Variants in CHIC2 observed in about 807,000 individuals in gnomAD.
CHIC2 encodes cysteine-rich hydrophobic domain-containing protein 2.
In CHIC2, 14 loss-of-function variants were observed where a neutral mutation model predicts 25.9. The observed-to-expected ratio is 0.54, with a 90% CI of 0.36 to 0.85. The LOEUF is 0.85. CHIC2 is among the 40% of genes least tolerant of loss of function. CHIC2 has a pLI of 0.01. For missense variants in CHIC2, 146 were observed against 202.0 expected, an observed-to-expected ratio of 0.72 and a Z score of 1.68; for synonymous variants, 70 against 72.0, an observed-to-expected ratio of 0.97 and a Z score of 0.14.
chr4:54,053,172 C>T (rs1311959980), intron 1 of CHIC2, among the ~76,000 whole-genome samples: 12 of 151,960 alleles, frequency 7.9e-5, no homozygotes, highest in Admixed American at 6.6e-4. Context: ...TTCAATATAC[C>T]ATGATATTAA....
the CHIC2 span, among the ~76,000 whole-genome samples, chr4:54,086,416 C>A: frequency 1.3e-5 from 2 of 152,106 alleles, no homozygotes; most frequent in Admixed American, 1.3e-4. Context: ...TTTAGGAGGT[C>A]CTGGATGTAA....
At chr4:54,070,611 C>T in the CHIC2 span, among the ~76,000 whole-genome samples, 2 of 151,918 alleles carry the variant, frequency 1.3e-5, no homozygotes, top group African/African-American at 4.8e-5. Context: ...TTAGTAGAGA[C>T]GGGGTTTCAC....
chr4:54,064,572 T>TGCCGCC lies in CHIC2; in HGVS notation c.-278_-273dup, dbSNP rs1431292719. On this transcript the variant is annotated 5_prime_UTR_variant, in exon 1 of 6. Coordinates refer to ENST00000263921, the MANE Select transcript of CHIC2 (RefSeq NM_012110.4). The surrounding 1 kb of genome is among the most constrained non-coding windows in gnomAD (Gnocchi z 4.2). The stretch of plus-strand genomic sequence containing the variant: ...ACACCTCCACAAGCACAGACGCCGC[T>TGCCGCC]GCCGCCGCCGCAGCAGCAGCAACTC... 2.4e-6 allele frequency: 3 copies of TGCCGCC among 1,262,260 alleles called. No homozygotes were observed. The highest frequency in any genetic ancestry group is 3.0e-6 in the Non-Finnish European group (3 of 1,003,174). The allele number at this position is 1,262,260 out of a possible 1,614,324, so 78.2% of individuals were successfully genotyped here.
chr4:54,089,356 A>ATTGTGATCAGCTTG, the CHIC2 span, among the ~76,000 whole-genome samples: 1 of 151,514 alleles, frequency 6.6e-6, no homozygotes, highest in Non-Finnish European at 1.5e-5. Context: ...CTAGGAGTTC[A>ATTGTGATCAGCTTG]AGGCTACAGT....
intron 3 of CHIC2, among the ~76,000 whole-genome samples, chr4:54,038,546 C>T (rs907879358): frequency 6.6e-6 from 1 of 152,156 alleles, no homozygotes; most frequent in African/African-American, 2.4e-5. Context: ...GATGTCAATT[C>T]TCTCCAATTC....
At chr4:54,064,685 G>C, upstream of CHIC2, 5 of 1,021,094 alleles carry the variant, frequency 4.9e-6, no homozygotes, top group Non-Finnish European at 5.9e-6. The surrounding 1 kb of genome is among the most constrained non-coding windows in gnomAD (Gnocchi z 4.2). Flanking sequence ...GGGCGGGCGG[G>C]CGCGTGCGTG....
intron 3 of CHIC2, among the ~76,000 whole-genome samples, chr4:54,041,045 T>G (rs1292562152): frequency 6.7e-6 from 1 of 149,528 alleles, no homozygotes; most frequent in Non-Finnish European, 1.5e-5. Context: ...GCCTCCCGAG[T>G]AGCTGGGATT....
intron 3 of CHIC2, among the ~76,000 whole-genome samples, chr4:54,040,994 G>A (rs1040188046): frequency 5.0e-4 from 74 of 147,518 alleles, no homozygotes; most frequent in African/African-American, 1.7e-3. Flanking sequence ...TTTTTGAGAC[G>A]GAACCTCCAA....
intron 3 of CHIC2, among the ~76,000 whole-genome samples, chr4:54,018,184 GATAAGACATACCCAA>G (rs969403591): frequency 1.3e-5 from 2 of 152,036 alleles, no homozygotes; most frequent in Non-Finnish European, 2.9e-5. Context: ...AGCAATATTA[GATAAGACATACCCAA>G]ATAAGACATA....
intron 1 of CHIC2, among the ~76,000 whole-genome samples, chr4:54,053,511 C>T (rs564371985): frequency 1.9e-4 from 28 of 144,016 alleles, no homozygotes; most frequent in South Asian, 8.8e-4. Flanking sequence ...GCCAAGATTG[C>T]GTCACTGCAC....
At chr4:54,063,627 T>G (rs1717402929) in intron 1 of CHIC2, among the ~76,000 whole-genome samples, 1 of 152,260 alleles carries the variant, frequency 6.6e-6, no homozygotes, top group African/African-American at 2.4e-5. Flanking sequence ...CTTAAATTTG[T>G]GTTCAACTAT....
chr4:54,020,356 C>A (rs188364014), intron 3 of CHIC2, among the ~76,000 whole-genome samples: 7 of 152,170 alleles, frequency 4.6e-5, no homozygotes, highest in African/African-American at 1.7e-4. Context: ...CTAACTCCAC[C>A]GCCTATCCCA....
Position 54,040,973 on chromosome 4 carries a change from A to AT in CHIC2, c.330+7981dup, listed in dbSNP as rs112593395. Among the ~76,000 whole-genome samples the AT allele has an allele frequency of 1.7e-3, 243 of 139,406 alleles. 1 individual carries two copies. The highest frequency in any genetic ancestry group is 0.013 in the South Asian group (55 of 4,246). The allele number at this position is 139,406 out of a possible 152,430, so 91.5% of individuals were successfully genotyped here. A position where few individuals can be genotyped will look rare whatever the true frequency, so the allele number is the denominator to read the frequency against. On this transcript the variant is annotated intron_variant, in intron 3 of 5. Coordinates refer to ENST00000263921, the MANE Select transcript of CHIC2 (RefSeq NM_012110.4). ...AAAGAGGGCACTAAGTTGGGGATAG[A>AT]TTTTTTTTTTTTTTTGAGACGGAAC...
chr4:54,080,228 AAAAAG>A, the CHIC2 span, among the ~76,000 whole-genome samples: 2 of 150,924 alleles, frequency 1.3e-5, no homozygotes, highest in African/African-American at 4.9e-5. Flanking sequence ...AGCCATTAAA[AAAAAG>A]AAAATTCTAC....
In CHIC2 at chr4:54,042,176, A is replaced by G. The variant is rs1471458874; in HGVS notation, c.330+6779T>C. 2.6e-5 allele frequency among the ~76,000 whole-genome samples: 4 copies of G among 152,178 alleles called. No homozygotes were observed. The East Asian group carries it at 7.7e-4, about 29-fold the overall frequency. On this transcript the variant is annotated intron_variant, in intron 3 of 5. Transcript: ENST00000263921. ...GGACAGATATGTATGGCTTTTTTAA[A>G]AAGCAAGTCATGTTTGTTTATGCTC...
At chr4:54,052,880 A>T (rs1370750881) in intron 1 of CHIC2, among the ~76,000 whole-genome samples, 1 of 152,202 alleles carries the variant, frequency 6.6e-6, no homozygotes. Flanking sequence ...ATAACTTGAA[A>T]TGTGGATTAA....
the CHIC2 span, among the ~76,000 whole-genome samples, chr4:54,073,435 C>A: frequency 6.6e-6 from 1 of 152,212 alleles, no homozygotes; most frequent in African/African-American, 2.4e-5. Context: ...AGACATGACA[C>A]ATTTTATCTT....
chr4:54,069,935 G>C, the CHIC2 span, among the ~76,000 whole-genome samples: 3 of 152,148 alleles, frequency 2.0e-5, no homozygotes, highest in African/African-American at 4.8e-5. Flanking sequence ...AAGTCCACTG[G>C]GGAGGACTGA....
At chr4:54,091,323 T>C in the CHIC2 span, among the ~76,000 whole-genome samples, 2 of 152,102 alleles carry the variant, frequency 1.3e-5, no homozygotes, top group Admixed American at 1.3e-4. Flanking sequence ...GCTGCGCCCG[T>C]AGCGCACCCC....
Sources: allele counts gnomAD v4.1 joint callset (sites outside exome capture counted in the v4.1 genomes callset), GRCh38; gene constraint gnomAD v4.1.1; non-coding constraint Gnocchi (gnomAD v3.1); transcripts MANE v1.5; gene names NCBI Gene and HGNC (gene_info 2026-07-23, HGNC 2026-07-21).